KATNIP: variants seen among roughly 807,000 people sequenced by gnomAD.
KATNIP encodes the protein katanin interacting protein.
KATNIP carries 126 observed loss-of-function variants against 174.0 expected under a neutral mutation model. The observed-to-expected ratio is 0.72, with a 90% confidence interval of 0.63 to 0.84. KATNIP has a LOEUF of 0.84. Ranked by LOEUF, KATNIP falls within the 40% of genes least tolerant of loss-of-function variation. KATNIP has a pLI of 0.00. For synonymous variants in KATNIP, 810 were observed against 835.7 expected (o/e 0.97, Z 0.53); for missense variants, 1,958 against 2,109.7 (o/e 0.93, Z 1.41).
rs1597016849 is a variant in KATNIP, at chr16:27,637,207, G to A, written c.408+6045G>A. ...TAATCACAGAGGGGCAGATGGGGAGGGCAGCTCAGCCTGGAGGCCTCAGGG... is the reference window on the plus strand; with the variant it reads ...TAATCACAGAGGGGCAGATGGGGAGAGCAGCTCAGCCTGGAGGCCTCAGGG... On this transcript the variant is annotated intron_variant, in intron 5 of 27. Coordinates refer to ENST00000261588, the MANE Select transcript of KATNIP (RefSeq NM_015202.5). This position sits in a 1 kb window ranked among gnomAD's most constrained non-coding sequence, Gnocchi z 4.7. Among the ~76,000 whole-genome samples the A allele has an allele frequency of 6.6e-6, 1 of 152,158 alleles. No individual in the cohort carries two copies. Among genetic ancestry groups the A allele is most frequent in the East Asian group, 1.9e-4 (1 of 5,188 alleles).
intron 13 of KATNIP, among the ~76,000 whole-genome samples, chr16:27,720,217 A>C (rs2080160765): frequency 1.3e-5 from 2 of 152,054 alleles, no homozygotes; most frequent in South Asian, 4.2e-4. Flanking sequence ...CCGCCTCCTG[A>C]GTAGCTGGGA....
At chr16:27,612,003 G>A (rs1034840196) in intron 2 of KATNIP, among the ~76,000 whole-genome samples, 1 of 152,174 alleles carries the variant, frequency 6.6e-6, no homozygotes, top group South Asian at 2.1e-4. Flanking sequence ...GGAGGCTAGA[G>A]GGGGCTGAGT....
intron 7 of KATNIP, 81 bp from the exon 8 acceptor site, chr16:27,681,318 T>C (rs1290162900): frequency 1.3e-6 from 2 of 1,540,772 alleles, no homozygotes; most frequent in East Asian, 2.3e-5. Context: ...AGTAAGTGAA[T>C]GAATGATGAA....
intron 2 of KATNIP, among the ~76,000 whole-genome samples, chr16:27,584,585 G>A (rs2090821001): frequency 6.6e-6 from 1 of 151,932 alleles, no homozygotes; most frequent in Non-Finnish European, 1.5e-5. Context: ...CTAAGGTCAG[G>A]AATTTGACCA....
intron 14 of KATNIP, among the ~76,000 whole-genome samples, chr16:27,729,703 C>T (rs562352039): frequency 6.6e-6 from 1 of 152,322 alleles, no homozygotes; most frequent in South Asian, 2.1e-4. Context: ...CACCCAAACC[C>T]TGCCTGTCTG....
intron 2 of KATNIP, among the ~76,000 whole-genome samples, chr16:27,612,764 GA>G (rs958587469): frequency 2.7e-5 from 4 of 146,176 alleles, no homozygotes; most frequent in Admixed American, 6.8e-5. Flanking sequence ...TTCTCAAAAA[GA>G]AAAAAAAAAG....
intron 2 of KATNIP, among the ~76,000 whole-genome samples, chr16:27,584,125 C>G (rs745667209): frequency 4.6e-5 from 7 of 152,112 alleles, no homozygotes; most frequent in Non-Finnish European, 7.4e-5. Flanking sequence ...CAGTGCCCTA[C>G]AGGTTGTGAA....
chr16:27,581,124 A>G (rs1327095650), intron 2 of KATNIP, among the ~76,000 whole-genome samples: 1 of 152,184 alleles, frequency 6.6e-6, no homozygotes, highest in African/African-American at 2.4e-5. Flanking sequence ...TAAGTGGGTA[A>G]ATAAAGGCTA....
At chr16:27,588,249 T>C (rs1189121487) in intron 2 of KATNIP, among the ~76,000 whole-genome samples, 3 of 152,086 alleles carry the variant, frequency 2.0e-5, no homozygotes, top group Non-Finnish European at 4.4e-5. Context: ...TAAGGGACAA[T>C]GAAAAATGCC....
At chr16:27,721,785 A>G in intron 14 of KATNIP, 90 bp downstream of exon 14, 2 of 1,457,088 alleles carry the variant, frequency 1.4e-6, no homozygotes, top group African/African-American at 1.4e-5. Flanking sequence ...AAGTTGCAAA[A>G]TGGATACACG....
chr16:27,633,885 G>C (rs994199682), intron 5 of KATNIP, among the ~76,000 whole-genome samples: 1 of 152,198 alleles, frequency 6.6e-6, no homozygotes, highest in Non-Finnish European at 1.5e-5. Flanking sequence ...CCCCACAGGG[G>C]CATCTTCAAG....
intron 13 of KATNIP, among the ~76,000 whole-genome samples, chr16:27,716,146 T>C (rs990148823): frequency 1.3e-5 from 2 of 152,304 alleles, no homozygotes; most frequent in East Asian, 1.9e-4. Context: ...TGCTACATGC[T>C]ACAACCTGGA....
intron 21 of KATNIP, among the ~76,000 whole-genome samples, chr16:27,770,642 G>A (rs1175697269): frequency 1.3e-5 from 2 of 152,222 alleles, no homozygotes; most frequent in Admixed American, 6.5e-5. Context: ...GGCTAGGGCT[G>A]GAGGGCACTG....
chr16:27,768,918 G>T (rs1262858323), intron 20 of KATNIP, among the ~76,000 whole-genome samples: 1 of 152,224 alleles, frequency 6.6e-6, no homozygotes, highest in Non-Finnish European at 1.5e-5. Context: ...CCATGTTGCT[G>T]ACCACGAATG....
intron 6 of KATNIP, among the ~76,000 whole-genome samples, chr16:27,661,701 T>C (rs993708763): frequency 6.0e-5 from 9 of 150,386 alleles, no homozygotes; most frequent in Non-Finnish European, 1.3e-4. Context: ...CCTGGGTTTC[T>C]TTATGTTTGA....
In KATNIP at chr16:27,669,203, A is replaced by G. The variant is rs1459977481; in HGVS notation, c.541-8526A>G. 3 of 801,980 alleles carry G rather than the reference A, an allele frequency of 3.7e-6. No individual in the cohort carries two copies. In the African/African-American group the frequency reaches 5.6e-5, roughly 15 times the overall value. 49.7% of individuals were successfully genotyped at this position (801,980 alleles called of 1,614,324 possible). A position where few individuals can be genotyped will look rare whatever the true frequency, so the allele number is the denominator to read the frequency against. ...TTCAGCAGAAAGAGGAAGCTCAGGC[A>G]TAGAAGGCATTAATTCACTGACCAT... On this transcript the variant is annotated intron_variant, in intron 6 of 27. Transcript: ENST00000261588.
At chr16:27,684,717 C>T (rs1393940780) in intron 8 of KATNIP, among the ~76,000 whole-genome samples, 3 of 152,214 alleles carry the variant, frequency 2.0e-5, no homozygotes, top group Non-Finnish European at 2.9e-5. Context: ...TTCCAGGCCT[C>T]TCTCCTAACT....
At chr16:27,684,596 T>G (rs2078458487) in intron 8 of KATNIP, among the ~76,000 whole-genome samples, 1 of 152,200 alleles carries the variant, frequency 6.6e-6, no homozygotes, top group Non-Finnish European at 1.5e-5. Flanking sequence ...AGTACCACAA[T>G]CAGAGTGGCT....
intron 14 of KATNIP, among the ~76,000 whole-genome samples, chr16:27,734,372 C>G (rs915864381): frequency 6.8e-6 from 1 of 146,000 alleles, no homozygotes; most frequent in African/African-American, 2.6e-5. Flanking sequence ...TGAGCCACTG[C>G]GCCTGGCCCA....
Sources: allele counts gnomAD v4.1 joint callset (sites outside exome capture counted in the v4.1 genomes callset), GRCh38; gene constraint gnomAD v4.1.1; non-coding constraint Gnocchi (gnomAD v3.1); transcripts MANE v1.5; gene names NCBI Gene and HGNC (gene_info 2026-07-23, HGNC 2026-07-21).